NOL4L: variants seen among roughly 807,000 people sequenced by gnomAD.
NOL4L encodes the protein nucleolar protein 4-like.
NOL4L carries 7 observed loss-of-function variants against 64.5 expected under a neutral mutation model. That is an observed-to-expected ratio of 0.11 (90% CI 0.06 to 0.20). The LOEUF (loss-of-function observed/expected upper bound fraction) is 0.20, where lower values mean the gene tolerates loss of function less well. NOL4L is among the 10% of genes least tolerant of loss of function. NOL4L has a pLI of 1.00. For synonymous variants in NOL4L, 413 were observed against 401.0 expected, an observed-to-expected ratio of 1.03 and a Z score of -0.36; for missense variants, 680 against 967.1, an observed-to-expected ratio of 0.70 and a Z score of 3.94.
At chr20:32,490,689 A>T (rs141544250) in intron 4 of NOL4L, among the ~76,000 whole-genome samples, 1 of 152,304 alleles carries the variant, frequency 6.6e-6, no homozygotes, top group African/African-American at 2.4e-5. Flanking sequence ...CAACTAACTG[A>T]GCCTGACTTG....
At chr20:32,571,900 G>C (rs1427066801) in intron 1 of NOL4L, among the ~76,000 whole-genome samples, 1 of 152,254 alleles carries the variant, frequency 6.6e-6, no homozygotes, top group Non-Finnish European at 1.5e-5. Flanking sequence ...TTGGCTGTGG[G>C]TCTCCATGCT....
chr20:32,459,529 G>A (rs926777062), intron 5 of NOL4L, among the ~76,000 whole-genome samples: 5 of 151,312 alleles, frequency 3.3e-5, no homozygotes, highest in African/African-American at 4.9e-5. Flanking sequence ...GATTACAGGC[G>A]CCCGCCACCA....
intron 1 of NOL4L, among the ~76,000 whole-genome samples, chr20:32,544,866 A>G (rs536067054): frequency 1.4e-4 from 22 of 152,336 alleles, no homozygotes; most frequent in Non-Finnish European, 2.4e-4. Context: ...CGACTCTCAG[A>G]GAACCCATAC....
intron 1 of NOL4L, among the ~76,000 whole-genome samples, chr20:32,578,533 G>A (rs190798066): frequency 5.3e-5 from 8 of 152,292 alleles, no homozygotes; most frequent in East Asian, 1.9e-4. Flanking sequence ...CTACGGGTGC[G>A]TGCCAACATG....
intron 1 of NOL4L, chr20:32,536,366 A>G: frequency 2.1e-6 from 2 of 963,686 alleles, no homozygotes; most frequent in Non-Finnish European, 2.5e-6. Flanking sequence ...GGCCCCACCC[A>G]GGGCCGGGGG....
intron 6 of NOL4L, 112 bp downstream of exon 6, chr20:32,456,006 G>T (rs931273726): frequency 2.1e-5 from 25 of 1,184,724 alleles, no homozygotes; most frequent in Non-Finnish European, 2.6e-5. Context: ...CCCTGGCTCG[G>T]TGTCACACAC....
intron 4 of NOL4L, among the ~76,000 whole-genome samples, chr20:32,488,832 T>G (rs1261764345): frequency 1.8e-5 from 1 of 54,266 alleles, no homozygotes; most frequent in Non-Finnish European, 3.2e-5. Flanking sequence ...TTTCTTTTTC[T>G]TTCTTTCTTT....
rs954894931 is a variant in NOL4L, at chr20:32,445,016, C to T, written c.*2580G>A. ...TCCTGTTTCCATGCAGAAACTTGCT[C>T]CTGATTCTGCCATCTCTAGGGCTTC... On this transcript the variant is annotated 3_prime_UTR_variant, in exon 11 of 11. Coordinates refer to ENST00000621426, the MANE Select transcript of NOL4L (RefSeq NM_001256798.2). 2.6e-5 allele frequency: 4 copies of T among 152,236 alleles called. No homozygotes were observed. Among genetic ancestry groups the T allele is most frequent in the Non-Finnish European group, 5.9e-5 (4 of 68,040 alleles). The allele number at this position is 152,236 out of a possible 1,614,324, so 9.4% of individuals were successfully genotyped here.
intron 3 of NOL4L, among the ~76,000 whole-genome samples, chr20:32,515,866 A>T (rs966514207): frequency 1.3e-5 from 2 of 152,254 alleles, no homozygotes; most frequent in South Asian, 4.1e-4. Flanking sequence ...ACAAGAGCCC[A>T]GAGAGATCTT....
intron 2 of NOL4L, among the ~76,000 whole-genome samples, chr20:32,527,102 G>A (rs2018160751): frequency 6.6e-6 from 1 of 152,126 alleles, no homozygotes; most frequent in South Asian, 2.1e-4. Context: ...CAGTCCCCCG[G>A]GCTCATCTGT....
intron 1 of NOL4L, among the ~76,000 whole-genome samples, chr20:32,577,271 C>T (rs532369310): frequency 7.9e-5 from 12 of 152,284 alleles, no homozygotes; most frequent in East Asian, 3.9e-4. Flanking sequence ...GCCAGGGGGC[C>T]GGGCGGGGGT....
At chr20:32,478,732 C>T (rs2015553804) in intron 4 of NOL4L, among the ~76,000 whole-genome samples, 1 of 152,202 alleles carries the variant, frequency 6.6e-6, no homozygotes, top group South Asian at 2.1e-4. Flanking sequence ...GCTGGCACTA[C>T]AGGCATATAC....
chr20:32,450,839 CCT>C (rs2012825716), intron 10 of NOL4L, among the ~76,000 whole-genome samples: 1 of 152,216 alleles, frequency 6.6e-6, no homozygotes, highest in Non-Finnish European at 1.5e-5. Context: ...AGCCACTCCA[CCT>C]CTCACCGTGC....
intron 1 of NOL4L, among the ~76,000 whole-genome samples, chr20:32,563,307 G>A (rs1039598732): frequency 2.2e-5 from 3 of 133,836 alleles, no homozygotes; most frequent in Non-Finnish European, 4.8e-5. Flanking sequence ...GGAGGGTAGA[G>A]AACAGGGAGG....
chr20:32,512,191 T>C (rs2017438222), intron 3 of NOL4L, among the ~76,000 whole-genome samples: 1 of 152,116 alleles, frequency 6.6e-6, no homozygotes, highest in Admixed American at 6.6e-5. Flanking sequence ...GTGGCTCCCA[T>C]TTTGCCACAG....
At chr20:32,480,475 C>T (rs539027130) in intron 4 of NOL4L, among the ~76,000 whole-genome samples, 34 of 152,308 alleles carry the variant, frequency 2.2e-4, no homozygotes, top group African/African-American at 8.2e-4. Flanking sequence ...ACACCAGCCT[C>T]AGGGGGTTGC....
chr20:32,453,222 A>AG lies in NOL4L; in HGVS notation c.1497+81dup. ...GGGCTCCTGGGAAGACCCTGGGTGAAGGGGCCCGGGCATCCTGGGAGTGTG... is the reference window on the plus strand; with the variant it reads ...GGGCTCCTGGGAAGACCCTGGGTGAAGGGGGCCCGGGCATCCTGGGAGTGTG... On this transcript the variant is annotated intron_variant, in intron 8 of 10. Transcript: ENST00000621426. This position sits in a 1 kb window ranked among gnomAD's most constrained non-coding sequence, Gnocchi z 5.6. The AG allele has an allele frequency of 6.5e-7, 1 of 1,528,018 alleles. No individual in the cohort carries two copies. Among genetic ancestry groups the AG allele is most frequent in the Non-Finnish European group, 8.9e-7 (1 of 1,127,270 alleles). The allele number at this position is 1,528,018 out of a possible 1,614,324, so 94.7% of individuals were successfully genotyped here.
At chr20:32,506,280 G>A (rs1223346036) in intron 4 of NOL4L, among the ~76,000 whole-genome samples, 1 of 151,982 alleles carries the variant, frequency 6.6e-6, no homozygotes, top group Non-Finnish European at 1.5e-5. Context: ...ACTGGCTCCA[G>A]CCTCCCCTGG....
intron 4 of NOL4L, among the ~76,000 whole-genome samples, chr20:32,487,530 G>A (rs966491998): frequency 3.3e-5 from 5 of 152,080 alleles, no homozygotes; most frequent in Admixed American, 3.3e-4. Flanking sequence ...TCCAGGCAGA[G>A]GGAATAGTTG....
Sources: gnomAD v4.1 joint callset for allele counts (sites outside exome capture counted in the v4.1 genomes callset) on GRCh38, gnomAD v4.1.1 for gene constraint, Gnocchi (gnomAD v3.1) non-coding constraint, MANE v1.5 for transcripts, NCBI Gene and HGNC (gene_info 2026-07-23, HGNC 2026-07-21) for gene names.